AAGAB: variants seen among roughly 807,000 people sequenced by gnomAD.
AAGAB encodes the protein alpha- and gamma-adaptin-binding protein p34.
In AAGAB, 38 loss-of-function variants were observed where a neutral mutation model predicts 44.1. That is an observed-to-expected ratio of 0.86 (90% CI 0.67 to 1.13). The LOEUF is 1.13. AAGAB is among the 50% of genes most tolerant of loss of function. The pLI, the probability that AAGAB is intolerant of heterozygous loss-of-function variation, is 0.00. For missense variants in AAGAB, 450 were observed against 373.8 expected, an observed-to-expected ratio of 1.20 and a Z score of -1.68; for synonymous variants, 131 against 131.8, an observed-to-expected ratio of 0.99 and a Z score of 0.04.
At chr15:67,208,687 A>G in intron 6 of AAGAB, 29 bp from the exon 7 acceptor site, 2 of 1,591,242 alleles carry the variant, frequency 1.3e-6, no homozygotes, top group East Asian at 2.2e-5. Flanking sequence ...ATAAGCAACA[A>G]TTTAATCGTA....
intron 5 of AAGAB, among the ~76,000 whole-genome samples, chr15:67,226,127 ATCTTT>A (rs1001978542): frequency 2.0e-5 from 3 of 149,590 alleles, no homozygotes; most frequent in Admixed American, 2.0e-4. Flanking sequence ...GATGACAAGC[ATCTTT>A]TCTTTTTTTT....
At chr15:67,233,761 T>C (rs1964398002) in intron 4 of AAGAB, among the ~76,000 whole-genome samples, 1 of 152,170 alleles carries the variant, frequency 6.6e-6, no homozygotes, top group Non-Finnish European at 1.5e-5. Context: ...CAATTGATGA[T>C]TTACTAATGT....
chr15:67,248,578 T>C (rs1490449356), intron 1 of AAGAB, among the ~76,000 whole-genome samples: 2 of 152,242 alleles, frequency 1.3e-5, no homozygotes, highest in East Asian at 1.9e-4. Flanking sequence ...GACAATGGTG[T>C]CAAAGCAGCA....
At chr15:67,208,787 G>T (rs144062026) in intron 6 of AAGAB, 129 bp from the exon 7 acceptor site, 2 of 670,856 alleles carry the variant, frequency 3.0e-6, no homozygotes, top group East Asian at 5.4e-5. Context: ...GGCAAAGAAA[G>T]AAGAGCAAGA....
rs1361178232 is a variant in AAGAB, at chr15:67,236,797, T to G, written c.97A>C (p.Ile33Leu). The G allele has an allele frequency of 1.2e-6, 2 of 1,610,816 alleles. No individual in the cohort carries two copies. Among genetic ancestry groups the G allele is most frequent in the Admixed American group, 1.7e-5 (1 of 59,570 alleles). Residue 33 changes from isoleucine (I) to leucine (L), a missense_variant, in exon 2 of 10, where the codon ATT (isoleucine) becomes CTT (leucine). By Grantham distance (5) the Ile-to-Leu change is conservative (BLOSUM62 2). Coordinates refer to ENST00000261880, the MANE Select transcript of AAGAB (RefSeq NM_024666.5). ...GCATCATTGGAAGTCACTTCCACAA[T>G]AAGATCTTCTGTTCCAAGGATATCT... The part of the protein sequence containing the change: ...VQHILGTEDL[I>L]VEVTSNDAVR...
chr15:67,255,186 T>A (rs866543390), upstream of AAGAB: 16 of 579,106 alleles, frequency 2.8e-5, no homozygotes, highest in Non-Finnish European at 5.0e-5. Context: ...GGGAAAACTC[T>A]AAAACCGTTC....
At chr15:67,230,284 T>A (rs946920479) in intron 5 of AAGAB, among the ~76,000 whole-genome samples, 2 of 152,210 alleles carry the variant, frequency 1.3e-5, no homozygotes, top group Admixed American at 1.3e-4. Context: ...TGGACTGAAT[T>A]GTATCCCCCA....
rs766554130 is a variant in AAGAB at position 67,209,561 on chromosome 15, C to T, written c.536-17G>A. The T allele has an allele frequency of 3.1e-6, 5 of 1,594,098 alleles. No individual in the cohort carries two copies. The Admixed American group carries it at 5.0e-5, about 16-fold the overall frequency. Reference sequence around the variant, plus strand: ...GGTTCCTATCTGAAAAGGAAAAATACACTTAGTGAAATTTGTCATTTACAT... The same window carrying T: ...GGTTCCTATCTGAAAAGGAAAAATATACTTAGTGAAATTTGTCATTTACAT... On this transcript the variant is annotated splice_polypyrimidine_tract_variant and intron_variant, in intron 5 of 9. Transcript: ENST00000261880.
At position 67,236,613 on chromosome 15, in the gene AAGAB, A is replaced by G. The variant is rs761390863; in HGVS notation, c.264+17T>C. 47 of 1,609,826 alleles carry G rather than the reference A, an allele frequency of 2.9e-5. 1 individual carries two copies. The South Asian group carries it at 4.4e-4, about 15-fold the overall frequency. On this transcript the variant is annotated intron_variant, in intron 2 of 9. Transcript: ENST00000261880. Reference sequence around the variant, plus strand: ...AATAATTTCTTATTCAAGCCTTCATAGAAAACAAAGTCTTACTTGTGTGCT... The same window carrying G: ...AATAATTTCTTATTCAAGCCTTCATGGAAAACAAAGTCTTACTTGTGTGCT...
intron 1 of AAGAB, among the ~76,000 whole-genome samples, chr15:67,238,197 A>G (rs1399506634): frequency 6.6e-6 from 1 of 152,212 alleles, no homozygotes; most frequent in Admixed American, 6.5e-5. Flanking sequence ...TTTTTTCACC[A>G]AAACCAGAAT....
At chr15:67,229,459 A>AG (rs1203123859) in intron 5 of AAGAB, among the ~76,000 whole-genome samples, 1 of 151,590 alleles carries the variant, frequency 6.6e-6, no homozygotes, top group East Asian at 1.9e-4. Context: ...GAGTTGGAGA[A>AG]GGAAAAAAAA....
chr15:67,220,692 C>T (rs1194862890), intron 5 of AAGAB, among the ~76,000 whole-genome samples: 1 of 152,112 alleles, frequency 6.6e-6, no homozygotes, highest in African/African-American at 2.4e-5. Context: ...CTGGGTGAAC[C>T]TAACTAGTAG....
chr15:67,205,470 A>C (rs897157049), intron 7 of AAGAB, among the ~76,000 whole-genome samples: 1 of 152,230 alleles, frequency 6.6e-6, no homozygotes, highest in Non-Finnish European at 1.5e-5. Context: ...GATTTGGAAG[A>C]GTTTAAATGC....
At chr15:67,225,277 C>T (rs533260481) in intron 5 of AAGAB, among the ~76,000 whole-genome samples, 3 of 152,334 alleles carry the variant, frequency 2.0e-5, no homozygotes, top group East Asian at 1.9e-4. Flanking sequence ...AGATTTTGCA[C>T]GTATACTATC....
At chr15:67,203,013 C>A in intron 9 of AAGAB, 115 bp from the exon 10 acceptor site, 2 of 876,018 alleles carry the variant, frequency 2.3e-6, no homozygotes, top group Non-Finnish European at 3.9e-6. Flanking sequence ...CTCCAGTCCT[C>A]TGGCAACACA....
chr15:67,254,616 G>T lies in AAGAB; in HGVS notation c.16C>A (p.Pro6Thr), dbSNP rs756813133. 2 of 1,605,872 alleles carry T rather than the reference G, an allele frequency of 1.2e-6. No individual in the cohort carries two copies. Among genetic ancestry groups the T allele is most frequent in the Admixed American group, 1.7e-5 (1 of 59,096 alleles). ...GAGCAGCTGGTGACTAACGCACAGG[G>T]TACGCCAGCAGCCATAGCTGCGCTC... MAAGVPCALVTSCSSV... is the reference protein window; with the variant it reads MAAGVTCALVTSCSSV... Residue 6 changes from proline (P) to threonine (T), a missense_variant, in exon 1 of 10, where the codon CCC becomes ACC. Pro to Thr is a conservative substitution (Grantham distance 38). Transcript: ENST00000261880.
chr15:67,235,874 C>G, intron 4 of AAGAB, 105 bp downstream of exon 4: 1 of 852,756 alleles, frequency 1.2e-6, no homozygotes, highest in Non-Finnish European at 1.8e-6. Context: ...CTTGAAACAG[C>G]TGGGGAAAAA....
intron 5 of AAGAB, among the ~76,000 whole-genome samples, chr15:67,214,982 A>C (rs918695641): frequency 2.0e-5 from 3 of 146,560 alleles, no homozygotes; most frequent in Admixed American, 2.0e-4. Flanking sequence ...ATTTTCAATG[A>C]AAAAAAAAAG....
intron 5 of AAGAB, among the ~76,000 whole-genome samples, chr15:67,212,573 A>G (rs1284004857): frequency 6.6e-6 from 1 of 152,224 alleles, no homozygotes; most frequent in Non-Finnish European, 1.5e-5. Flanking sequence ...ATAAGCCAGA[A>G]GGACTTTTGC....
Sources: allele counts gnomAD v4.1 joint callset (sites outside exome capture counted in the v4.1 genomes callset), GRCh38; gene constraint gnomAD v4.1.1; transcripts MANE v1.5; gene names NCBI Gene and HGNC (gene_info 2026-07-23, HGNC 2026-07-21).